CSMD3: variants seen among roughly 807,000 people sequenced by gnomAD.
The protein encoded by CSMD3 is CUB and sushi domain-containing protein 3.
Under a neutral mutation model 435.2 loss-of-function variants are expected in CSMD3, and 177 were observed. The observed-to-expected ratio is 0.41, with a 90% confidence interval of 0.36 to 0.46. CSMD3 has a LOEUF of 0.46. Among genes scored for constraint, CSMD3 ranks in the 20% least tolerant of loss-of-function variants. The pLI is 0.34. For missense variants in CSMD3, 4,265 were observed against 4,504.6 expected (o/e 0.95, Z 1.52); for synonymous variants, 1,656 against 1,520.5 (o/e 1.09, Z -2.07).
intron 4 of CSMD3, among the ~76,000 whole-genome samples, chr8:113,145,509 C>T (rs2091651837): frequency 6.6e-6 from 1 of 151,328 alleles, no homozygotes; most frequent in African/African-American, 2.4e-5. Context: ...GAAATTTTTA[C>T]TATTTGTCAT....
At chr8:113,018,045 C>G (rs1009636094) in intron 6 of CSMD3, among the ~76,000 whole-genome samples, 1 of 151,888 alleles carries the variant, frequency 6.6e-6, no homozygotes. Context: ...AGATTTTCTA[C>G]GTGGACTTTG....
chr8:112,359,917 C>A (rs943625351), intron 38 of CSMD3, among the ~76,000 whole-genome samples: 1 of 151,964 alleles, frequency 6.6e-6, no homozygotes, highest in Non-Finnish European at 1.5e-5. Context: ...TAAGGGTTTA[C>A]AACTTTCTTC....
intron 1 of CSMD3, among the ~76,000 whole-genome samples, chr8:113,394,998 G>C (rs1334764268): frequency 6.6e-6 from 1 of 151,892 alleles, no homozygotes; most frequent in Non-Finnish European, 1.5e-5. Flanking sequence ...GAAATATCAT[G>C]GTATTCTTTT....
intron 4 of CSMD3, among the ~76,000 whole-genome samples, chr8:113,148,281 C>G (rs944273920): frequency 6.6e-6 from 1 of 151,520 alleles, no homozygotes; most frequent in African/African-American, 2.4e-5. Flanking sequence ...CTTTATGACC[C>G]TACCTCCCTC....
chr8:113,147,227 T>A (rs1252626432), intron 4 of CSMD3, among the ~76,000 whole-genome samples: 1 of 151,728 alleles, frequency 6.6e-6, no homozygotes, highest in Admixed American at 6.6e-5. Flanking sequence ...GCTATTTTTT[T>A]ATTTTAGTTT....
chr8:113,266,969 A>G (rs148921283), intron 3 of CSMD3, among the ~76,000 whole-genome samples: 235 of 151,878 alleles, frequency 1.5e-3, no homozygotes, highest in African/African-American at 5.5e-3. Flanking sequence ...TCAAAAGAAG[A>G]CATACAAACT....
At chr8:112,309,678 T>G (rs779929364) in intron 50 of CSMD3, among the ~76,000 whole-genome samples, 29 of 152,094 alleles carry the variant, frequency 1.9e-4, no homozygotes, top group Non-Finnish European at 4.1e-4. Context: ...CTTCCCAGAA[T>G]CCTAATAAGT....
At chr8:112,296,507 G>GC (rs1303339371) in intron 53 of CSMD3, among the ~76,000 whole-genome samples, 1 of 150,780 alleles carries the variant, frequency 6.6e-6, no homozygotes, top group Non-Finnish European at 1.5e-5. Context: ...CGCAGATCGC[G>GC]CCACCGCACT....
At chr8:113,006,360 G>C (rs1199270879) in intron 6 of CSMD3, among the ~76,000 whole-genome samples, 1 of 151,996 alleles carries the variant, frequency 6.6e-6, no homozygotes. Context: ...AAGAAGACTG[G>C]TGGAAATATT....
chr8:112,727,809 C>A (rs566121885), intron 13 of CSMD3, among the ~76,000 whole-genome samples: 1 of 151,592 alleles, frequency 6.6e-6, no homozygotes, highest in East Asian at 1.9e-4. Context: ...AAAATACTGT[C>A]GGATTCTAAA....
At chr8:113,377,208 G>A in intron 1 of CSMD3, 3 of 1,080,788 alleles carry the variant, frequency 2.8e-6, no homozygotes, top group East Asian at 5.2e-5. Context: ...AAGTTCGAGC[G>A]CGCGAGAGAC....
chr8:112,800,062 CT>C, intron 13 of CSMD3, 99 bp downstream of exon 13: 1 of 780,022 alleles, frequency 1.3e-6, no homozygotes, highest in East Asian at 2.5e-5. Flanking sequence ...AGCATGTGTT[CT>C]GCAAAACTTT....
Position 112,311,120 on chromosome 8 carries a change from G to A in CSMD3, c.7743C>T (p.Ile2581=), listed in dbSNP as rs2130814810. Reference sequence around the variant, plus strand: ...TGTTAAGCTGCCCACCTGTCTGACTGATAATATATCCATGAGGTGGGGATT... The same window carrying A: ...TGTTAAGCTGCCCACCTGTCTGACTAATAATATATCCATGAGGTGGGGATT... The part of the protein sequence containing the change: ...TPESPPHGYI[I]SQTGGQLNSV... Residue 2581 remains isoleucine (I), a synonymous_variant, in exon 50 of 71, where the codon ATC becomes ATT. Coordinates refer to ENST00000297405, the MANE Select transcript of CSMD3 (RefSeq NM_198123.2). 6.2e-7 allele frequency: 1 copy of A among 1,613,852 alleles called. No individual in the cohort carries two copies. Among genetic ancestry groups the A allele is most frequent in the Non-Finnish European group, 8.5e-7 (1 of 1,179,934 alleles).
At chr8:113,077,758 C>A (rs1424224169) in intron 5 of CSMD3, among the ~76,000 whole-genome samples, 1 of 152,030 alleles carries the variant, frequency 6.6e-6, no homozygotes, top group African/African-American at 2.4e-5. Flanking sequence ...AGGAAGCTAA[C>A]ATTCAAGGTT....
At chr8:113,057,471 C>T (rs368541551) in intron 5 of CSMD3, among the ~76,000 whole-genome samples, 7 of 151,778 alleles carry the variant, frequency 4.6e-5, no homozygotes, top group African/African-American at 1.7e-4. Context: ...GGTCTTTGGA[C>T]ACCAGTGTGA....
chr8:112,872,047 T>C (rs1206743408), intron 10 of CSMD3, among the ~76,000 whole-genome samples: 1 of 152,042 alleles, frequency 6.6e-6, no homozygotes. Context: ...TATTAAACTA[T>C]AGATAATAGG....
intron 3 of CSMD3, among the ~76,000 whole-genome samples, chr8:113,222,777 T>C (rs1373015028): frequency 6.6e-6 from 1 of 151,128 alleles, no homozygotes; most frequent in Non-Finnish European, 1.5e-5. Flanking sequence ...AGAGTTGTGA[T>C]TGTGATTTTT....
intron 27 of CSMD3, among the ~76,000 whole-genome samples, chr8:112,533,113 T>C (rs933648719): frequency 4.6e-5 from 7 of 152,016 alleles, no homozygotes; most frequent in Admixed American, 2.6e-4. Flanking sequence ...CATAGACTTA[T>C]AATAGAGAAA....
intron 3 of CSMD3, among the ~76,000 whole-genome samples, chr8:113,264,400 TTATA>T (rs140774232): frequency 7.4e-5 from 11 of 148,660 alleles, no homozygotes; most frequent in African/African-American, 2.2e-4. Flanking sequence ...TCAACTATAT[TTATA>T]TATATATATA....
Sources: allele counts gnomAD v4.1 joint callset (sites outside exome capture counted in the v4.1 genomes callset), GRCh38; gene constraint gnomAD v4.1.1; transcripts MANE v1.5; gene names NCBI Gene and HGNC (gene_info 2026-07-23, HGNC 2026-07-21).